Variants in SCAF11 observed in about 807,000 individuals in gnomAD.
SCAF11 encodes the protein SR-related CTD associated factor 11.
Under a neutral mutation model 140.5 loss-of-function variants are expected in SCAF11, and 47 were observed. The observed-to-expected ratio is 0.33, with a 90% CI of 0.26 to 0.43. SCAF11 has a LOEUF of 0.43. Ranked by LOEUF, SCAF11 falls within the 20% of genes least tolerant of loss-of-function variation. The probability of loss-of-function intolerance (pLI) is 1.00; values close to 1 mark genes in which losing one functional copy is unlikely to be tolerated. For synonymous variants in SCAF11, 557 were observed against 579.4 expected (o/e 0.96, Z 0.55); for missense variants, 1,645 against 1,705.1 (o/e 0.96, Z 0.62).
chr12:45,942,485 A>C (rs541496652), intron 6 of SCAF11, among the ~76,000 whole-genome samples: 1 of 152,338 alleles, frequency 6.6e-6, no homozygotes, highest in South Asian at 2.1e-4. Context: ...GTTACTCCTG[A>C]AAACACTCCC....
chr12:45,945,712 A>G (rs915659887), intron 5 of SCAF11, among the ~76,000 whole-genome samples: 1 of 151,522 alleles, frequency 6.6e-6, no homozygotes. Flanking sequence ...AATTTTTTCT[A>G]TTTTTGCAGA....
At position 45,934,217 on chromosome 12, in the gene SCAF11, A is replaced by G; in HGVS notation, c.591T>C (p.Val197=). The change falls in exon 8 of 15, where the codon GTT becomes GTC. Residue 197 remains valine (V), a synonymous_variant. Coordinates refer to ENST00000369367, the MANE Select transcript of SCAF11 (RefSeq NM_004719.3). Reference sequence around the variant, plus strand: ...TAAAGGAAGATTCTCCAGAGTGGCTAACAGAAGAAAACATATTGGAGAAAA... The same window carrying G: ...TAAAGGAAGATTCTCCAGAGTGGCTGACAGAAGAAAACATATTGGAGAAAA... ...RNFFSNMFSS[V]SHSGESSFTY... The G allele has an allele frequency of 6.2e-7, 1 of 1,610,340 alleles. No individual in the cohort carries two copies. The highest frequency in any genetic ancestry group is 8.5e-7 in the Non-Finnish European group (1 of 1,177,270).
intron 1 of SCAF11, among the ~76,000 whole-genome samples, chr12:45,984,117 T>C (rs1347421504): frequency 6.6e-6 from 1 of 152,120 alleles, no homozygotes; most frequent in African/African-American, 2.4e-5. Flanking sequence ...TTACGAATAG[T>C]GAGGGAACCC....
intron 6 of SCAF11, 54 bp downstream of exon 6, chr12:45,945,195 A>T: frequency 9.5e-7 from 1 of 1,052,300 alleles, no homozygotes; most frequent in Non-Finnish European, 1.4e-6. Context: ...CACAACCATT[A>T]AATTAAAAAA....
At chr12:45,939,143 A>G (rs1945238146) in intron 6 of SCAF11, among the ~76,000 whole-genome samples, 1 of 151,732 alleles carries the variant, frequency 6.6e-6, no homozygotes, top group Non-Finnish European at 1.5e-5. Context: ...CTAAAGTCAC[A>G]GGTGTTTTAA....
chr12:45,961,435 A>C (rs1945825140), intron 3 of SCAF11: 1 of 630,934 alleles, frequency 1.6e-6, no homozygotes, highest in Admixed American at 2.8e-5. Context: ...CATTTCTACC[A>C]GAAAAAAAGT....
chr12:45,926,128 CAAG>C lies in SCAF11; in HGVS notation c.3559+11_3559+13del. On this transcript the variant is annotated intron_variant, in intron 11 of 14. Transcript: ENST00000369367. ...AAATAAAACAGTATCAATAAACCAA[CAAG>C]AATACATTACCCTGTCCAGATGTTT... is the stretch of plus-strand genomic sequence containing the variant. 6.4e-7 allele frequency: 1 copy of C among 1,569,534 alleles called. No homozygotes were observed. Among genetic ancestry groups the C allele is most frequent in the Middle Eastern group, 1.7e-4 (1 of 5,864 alleles).
chr12:45,962,893 T>G (rs1191426294), intron 2 of SCAF11, among the ~76,000 whole-genome samples: 1 of 152,210 alleles, frequency 6.6e-6, no homozygotes, highest in Admixed American at 6.5e-5. Context: ...AAATGTAAGC[T>G]CATAATCAAA....
intron 6 of SCAF11, among the ~76,000 whole-genome samples, chr12:45,935,819 C>G (rs141112717): frequency 1.5e-4 from 23 of 152,278 alleles, no homozygotes; most frequent in African/African-American, 5.5e-4. Flanking sequence ...GGTAATTACT[C>G]AACAGCTTCA....
chr12:45,920,932 G>A lies in SCAF11; in HGVS notation c.*1116C>T, dbSNP rs953763389. On this transcript the variant is annotated 3_prime_UTR_variant, in exon 15 of 15. Coordinates refer to ENST00000369367, the MANE Select transcript of SCAF11 (RefSeq NM_004719.3). ...GCACAAATAATTTATCGTCTGCAAC[G>A]GGTAGAAGAAGATACTATGAAAGAA... 3.3e-5 allele frequency: 5 copies of A among 151,924 alleles called. No individual in the cohort carries two copies. Among genetic ancestry groups the A allele is most frequent in the East Asian group, 1.9e-4 (1 of 5,202 alleles). The allele number at this position is 151,924 out of a possible 1,614,324, so 9.4% of individuals were successfully genotyped here. A position where few individuals can be genotyped will look rare whatever the true frequency, so the allele number is the denominator to read the frequency against.
chr12:45,953,152 G>A (rs1158143778), intron 3 of SCAF11, among the ~76,000 whole-genome samples: 1 of 152,156 alleles, frequency 6.6e-6, no homozygotes, highest in Non-Finnish European at 1.5e-5. Context: ...AGCCAGTTCA[G>A]CCTACTTTTA....
intron 1 of SCAF11, among the ~76,000 whole-genome samples, chr12:45,976,088 A>C (rs993684822): frequency 3.3e-5 from 5 of 152,182 alleles, no homozygotes; most frequent in Admixed American, 6.5e-5. Context: ...AACTGCAATA[A>C]AAAGAGGTAT....
At chr12:45,973,433 G>A (rs1399763645) in intron 1 of SCAF11, among the ~76,000 whole-genome samples, 2 of 151,896 alleles carry the variant, frequency 1.3e-5, no homozygotes, top group Non-Finnish European at 2.9e-5. Flanking sequence ...AGAAATAATG[G>A]GTGGAAACTT....
In SCAF11 at chr12:45,923,026, G is replaced by A; in HGVS notation, c.4035C>T (p.His1345=). ...TTACAGCAGCATTAGAGGCTTTGCT[G>A]TGACTTGATGACGAAGTATTACCAG... ...PSSGNTSSSS[H]SKASNAAVKL... Residue 1345 remains histidine (H), a synonymous_variant, in exon 13 of 15, where the codon CAC becomes CAT. Coordinates refer to ENST00000369367, the MANE Select transcript of SCAF11 (RefSeq NM_004719.3). 6.2e-7 allele frequency: 1 copy of A among 1,614,190 alleles called. No homozygotes were observed. Among genetic ancestry groups the A allele is most frequent in the Non-Finnish European group, 8.5e-7 (1 of 1,180,020 alleles).
At chr12:45,977,229 T>C (rs1407537939) in intron 1 of SCAF11, among the ~76,000 whole-genome samples, 1 of 151,982 alleles carries the variant, frequency 6.6e-6, no homozygotes, top group South Asian at 2.1e-4. Context: ...ACAAAAACTA[T>C]GGTACATTCA....
upstream of SCAF11, among the ~76,000 whole-genome samples, chr12:45,990,869 C>T (rs1946589460): frequency 6.6e-6 from 1 of 152,256 alleles, no homozygotes. Context: ...TTCTGGGAAA[C>T]GTCCTTCCAG....
At chr12:45,933,267 C>A in intron 8 of SCAF11, 35 bp from the exon 9 acceptor site, 1 of 1,476,606 alleles carries the variant, frequency 6.8e-7, no homozygotes, top group Non-Finnish European at 9.4e-7. Context: ...ATCAGAATCT[C>A]ACAATTTTAG....
intron 6 of SCAF11, among the ~76,000 whole-genome samples, chr12:45,942,867 C>T (rs1024683771): frequency 1.8e-4 from 27 of 152,142 alleles, no homozygotes; most frequent in African/African-American, 5.8e-4. Flanking sequence ...CGTTTGTCTA[C>T]GAGAAGATCC....
At chr12:45,936,385 A>G (rs1025274641) in intron 6 of SCAF11, among the ~76,000 whole-genome samples, 3 of 151,756 alleles carry the variant, frequency 2.0e-5, no homozygotes, top group African/African-American at 7.3e-5. Context: ...CAGGTGATCC[A>G]CCCACTTCGG....
Sources: allele counts gnomAD v4.1 joint callset (sites outside exome capture counted in the v4.1 genomes callset), GRCh38; gene constraint gnomAD v4.1.1; transcripts MANE v1.5; gene names NCBI Gene and HGNC (gene_info 2026-07-23, HGNC 2026-07-21).